The following ECI2 variants were observed in gnomAD, a reference collection of about 807,000 sequenced individuals.
The protein encoded by ECI2 is D3,D2-enoyl-CoA isomerase.
In ECI2, 27 loss-of-function variants were observed where a neutral mutation model predicts 38.4. The observed-to-expected ratio is 0.70, with a 90% CI of 0.52 to 0.97. ECI2 has a LOEUF of 0.97. Ranked by LOEUF, ECI2 falls within the 50% of genes least tolerant of loss-of-function variation. The probability of loss-of-function intolerance (pLI) is 0.00; values close to 1 mark genes in which losing one functional copy is unlikely to be tolerated. For synonymous variants in ECI2, 168 were observed against 172.0 expected (o/e 0.98, Z 0.18); for missense variants, 470 against 474.4 (o/e 0.99, Z 0.09).
intron 7 of ECI2, among the ~76,000 whole-genome samples, chr6:4,122,809 A>G (rs1378927702): frequency 1.3e-5 from 2 of 152,192 alleles, no homozygotes; most frequent in Non-Finnish European, 2.9e-5. Context: ...TCCTTCTTTC[A>G]TCGGGCTACT....
At chr6:4,121,925 G>C (rs920153076) in intron 7 of ECI2, 5 of 1,374,954 alleles carry the variant, frequency 3.6e-6, no homozygotes, top group Non-Finnish European at 5.0e-6. Flanking sequence ...TTAATGTCAT[G>C]TATCTTCTTT....
At chr6:4,129,277 T>TA (rs1236816506) in intron 4 of ECI2, among the ~76,000 whole-genome samples, 2 of 152,162 alleles carry the variant, frequency 1.3e-5, no homozygotes, top group Non-Finnish European at 2.9e-5. Context: ...CATGCCCAGC[T>TA]AATTTTTTGT....
chr6:4,123,742 G>GA (rs1772962018), intron 7 of ECI2, among the ~76,000 whole-genome samples: 2 of 151,726 alleles, frequency 1.3e-5, no homozygotes, highest in South Asian at 4.2e-4. Context: ...CAACGCAGGC[G>GA]AATCACTTGA....
At chr6:4,121,642 T>G (rs1772765842) in intron 7 of ECI2, among the ~76,000 whole-genome samples, 1 of 152,074 alleles carries the variant, frequency 6.6e-6, no homozygotes, top group Admixed American at 6.6e-5. Context: ...TGGTTGGCTT[T>G]AACTACTGGA....
chr6:4,119,164 A>ATTT lies in ECI2; in HGVS notation c.885+19_885+21dup. ...CTTGAGATGACTCATAAAATTTTAT[A>ATTT]TTTAAACATTCCAAAAGTTACCTTG... On this transcript the variant is annotated intron_variant, in intron 8 of 9. Transcript: ENST00000380118. The ATTT allele has an allele frequency of 1.9e-6, 3 of 1,583,296 alleles. 1 individual carries two copies. The East Asian group carries it at 6.7e-5, about 35-fold the overall frequency.
intron 1 of ECI2, among the ~76,000 whole-genome samples, chr6:4,134,014 G>A (rs1354284590): frequency 6.6e-6 from 1 of 152,178 alleles, no homozygotes. Context: ...TTTTGCCAAA[G>A]GCAAGAAGTG....
chr6:4,125,992 A>T (rs1244526183), intron 6 of ECI2, 143 bp downstream of exon 6: 1 of 709,428 alleles, frequency 1.4e-6, no homozygotes, highest in Non-Finnish European at 2.5e-6. Flanking sequence ...GGATGGAGGC[A>T]GTTTAGAGAA....
intron 4 of ECI2, among the ~76,000 whole-genome samples, chr6:4,129,322 C>A (rs1361979878): frequency 1.3e-5 from 2 of 152,104 alleles, no homozygotes; most frequent in African/African-American, 4.8e-5. Context: ...CCATGTTGGC[C>A]AGGCTGGTCT....
At chr6:4,133,860 T>A in intron 1 of ECI2, 149 bp from the exon 2 acceptor site, 1 of 875,658 alleles carries the variant, frequency 1.1e-6, no homozygotes, top group Non-Finnish European at 1.6e-6. Flanking sequence ...TGGCTGCAAA[T>A]AATTGGCTGT....
intron 7 of ECI2, chr6:4,122,103 C>T (rs1772831669): frequency 2.7e-6 from 3 of 1,107,756 alleles, no homozygotes; most frequent in Non-Finnish European, 2.7e-6. Context: ...AGAAAGAGAG[C>T]AGCAGGTGGA....
At chr6:4,132,354 G>A (rs1206102648) in intron 2 of ECI2, among the ~76,000 whole-genome samples, 2 of 151,834 alleles carry the variant, frequency 1.3e-5, no homozygotes, top group African/African-American at 4.8e-5. Context: ...GTTTTTAACA[G>A]GGCTCCATCA....
chr6:4,117,542 C>A (rs1413935368), intron 8 of ECI2, 91 bp from the exon 9 acceptor site: 4 of 1,502,372 alleles, frequency 2.7e-6, no homozygotes, highest in East Asian at 2.3e-5. Flanking sequence ...GAGAGATGTA[C>A]TCATGGTCTT....
At chr6:4,134,719 A>G (rs1460747187) in intron 1 of ECI2, among the ~76,000 whole-genome samples, 1 of 152,220 alleles carries the variant, frequency 6.6e-6, no homozygotes, top group East Asian at 1.9e-4. Flanking sequence ...TTTTCTGTAA[A>G]GGGAAAAACT....
intron 8 of ECI2, 81 bp from the exon 9 acceptor site, chr6:4,117,532 G>C (rs1772362620): frequency 6.5e-6 from 10 of 1,545,120 alleles, no homozygotes; most frequent in Non-Finnish European, 8.7e-6. Context: ...AGGAGGCTTA[G>C]AGAGATGTAC....
intron 1 of ECI2, chr6:4,135,261 G>T: frequency 8.7e-7 from 1 of 1,144,094 alleles, no homozygotes; most frequent in Non-Finnish European, 1.2e-6. Context: ...AGACCTTGGG[G>T]ACTGCTGACA....
intron 7 of ECI2, chr6:4,122,017 T>G: frequency 6.2e-7 from 1 of 1,602,464 alleles, no homozygotes; most frequent in African/African-American, 1.3e-5. Flanking sequence ...CTGAGAAACC[T>G]GCCAACAACA....
At chr6:4,128,887 G>C (rs755626991) in intron 4 of ECI2, among the ~76,000 whole-genome samples, 1 of 152,164 alleles carries the variant, frequency 6.6e-6, no homozygotes, top group Non-Finnish European at 1.5e-5. Context: ...ATCCCCATCG[G>C]ATACCAAGGG....
At chr6:4,117,750 C>T (rs1772379646) in intron 8 of ECI2, 1 of 255,328 alleles carries the variant, frequency 3.9e-6, no homozygotes, top group East Asian at 7.6e-5. Flanking sequence ...TAACCCACAG[C>T]AGCTATGATT....
At chr6:4,119,396 C>T (rs541303498) in intron 7 of ECI2, 121 bp from the exon 8 acceptor site, 2 of 638,404 alleles carry the variant, frequency 3.1e-6, no homozygotes, top group Non-Finnish European at 5.2e-6. Flanking sequence ...TCTCGGCTCA[C>T]TGCAACCTCC....
Sources: allele counts gnomAD v4.1 joint callset (sites outside exome capture counted in the v4.1 genomes callset), GRCh38; gene constraint gnomAD v4.1.1; transcripts MANE v1.5; gene names NCBI Gene and HGNC (gene_info 2026-07-23, HGNC 2026-07-21).